Variants in RTN4 observed in about 807,000 individuals in gnomAD.
The protein encoded by RTN4 is reticulon-4.
A neutral mutation model predicts 90.4 loss-of-function variants in RTN4; 32 were observed. The ratio of observed to expected loss-of-function variants is 0.35; its 90% confidence interval spans 0.27 to 0.48. RTN4 has a LOEUF of 0.48. Ranked by LOEUF, RTN4 falls within the 20% of genes least tolerant of loss-of-function variation. The pLI is 0.99. For synonymous variants in RTN4, 629 were observed against 552.5 expected, an observed-to-expected ratio of 1.14 and a Z score of -1.94; for missense variants, 1,706 against 1,430.2, an observed-to-expected ratio of 1.19 and a Z score of -3.11.
chr2:54,994,887 G>T (rs1679294352), intron 3 of RTN4, among the ~76,000 whole-genome samples: 1 of 152,150 alleles, frequency 6.6e-6, no homozygotes, highest in African/African-American at 2.4e-5. Flanking sequence ...TTTACCATAG[G>T]CTAATTTATA....
At chr2:55,032,793 C>G (rs1335683193) in intron 1 of RTN4, among the ~76,000 whole-genome samples, 1 of 152,012 alleles carries the variant, frequency 6.6e-6, no homozygotes, top group Non-Finnish European at 1.5e-5. Flanking sequence ...TTTAGGAGGC[C>G]AAAGTGGGAG....
chr2:55,128,213 G>C, the RTN4 span, among the ~76,000 whole-genome samples: 2 of 152,034 alleles, frequency 1.3e-5, no homozygotes, highest in Admixed American at 6.6e-5. Context: ...AACTACTCCT[G>C]TTACACTTAT....
At chr2:55,059,281 A>G (rs1388704863) in intron 2 of RTN4, among the ~76,000 whole-genome samples, 1 of 148,148 alleles carries the variant, frequency 6.8e-6, no homozygotes, top group Non-Finnish European at 1.5e-5. Context: ...CGACATCCCA[A>G]GGACAAAATC....
At chr2:55,137,671 G>A in the RTN4 span, among the ~76,000 whole-genome samples, 1,331 of 152,202 alleles carry the variant, frequency 8.7e-3, 11 homozygotes, top group African/African-American at 0.03. Context: ...CTGGCACAGA[G>A]AGAGTTAAAC....
intron 5 of RTN4, among the ~76,000 whole-genome samples, chr2:54,977,767 C>T (rs1416680802): frequency 1.3e-5 from 2 of 152,186 alleles, no homozygotes; most frequent in African/African-American, 4.8e-5. Flanking sequence ...TCGTTGCTCA[C>T]TCTATAAATA....
intron 1 of RTN4, among the ~76,000 whole-genome samples, chr2:55,040,578 G>C (rs1683003875): frequency 6.6e-6 from 1 of 152,120 alleles, no homozygotes; most frequent in Non-Finnish European, 1.5e-5. Context: ...GGCAGACCTG[G>C]AATCCTTAAG....
intron 3 of RTN4, among the ~76,000 whole-genome samples, chr2:55,013,202 AG>A (rs1680771701): frequency 6.6e-6 from 1 of 152,088 alleles, no homozygotes; most frequent in African/African-American, 2.4e-5. Flanking sequence ...TGTGGAGGGG[AG>A]AAGAGGGGAA....
In RTN4 at chr2:54,994,136, T is replaced by C. The variant is rs565195939; in HGVS notation, c.3014-6438A>G. On this transcript the variant is annotated intron_variant, in intron 3 of 8. Transcript: ENST00000337526. ...TGTATAGAACTTTATTAAAATCCCT[T>C]CTGAGAAATATAGTGTTTTTCTGAG... 9.2e-5 allele frequency among the ~76,000 whole-genome samples: 14 copies of C among 152,312 alleles called. 1 individual carries two copies. The South Asian group carries it at 2.9e-3, about 32-fold the overall frequency.
At chr2:55,040,429 A>G (rs1486138069) in intron 1 of RTN4, among the ~76,000 whole-genome samples, 1 of 149,744 alleles carries the variant, frequency 6.7e-6, no homozygotes, top group African/African-American at 2.4e-5. Flanking sequence ...TAGTAGCTTA[A>G]AAAAAAAAAG....
chr2:54,978,727 A>G (rs187839930), intron 5 of RTN4, among the ~76,000 whole-genome samples: 222 of 152,298 alleles, frequency 1.5e-3, no homozygotes, highest in Non-Finnish European at 2.5e-3. Flanking sequence ...ATGTAATTCC[A>G]ATAAAAAGCT....
intron 3 of RTN4, among the ~76,000 whole-genome samples, chr2:55,005,731 T>C (rs553633303): frequency 2.2e-4 from 34 of 152,290 alleles, no homozygotes; most frequent in South Asian, 1.5e-3. Flanking sequence ...AATACTTGCA[T>C]ATACGTAATG....
intron 3 of RTN4, among the ~76,000 whole-genome samples, chr2:55,016,326 T>A (rs1681033389): frequency 6.6e-6 from 1 of 152,244 alleles, no homozygotes; most frequent in Non-Finnish European, 1.5e-5. Flanking sequence ...TTCATGCCTT[T>A]AATCCCAGCA....
At chr2:55,103,401 G>C (rs1667888174) in intron 1 of RTN4, among the ~76,000 whole-genome samples, 1 of 152,016 alleles carries the variant, frequency 6.6e-6, no homozygotes, top group Non-Finnish European at 1.5e-5. Context: ...CTATTATATA[G>C]CATAGTGCCT....
chr2:55,092,239 T>C (rs2105045537), intron 1 of RTN4, among the ~76,000 whole-genome samples: 2 of 141,838 alleles, frequency 1.4e-5, no homozygotes, highest in South Asian at 4.4e-4. Flanking sequence ...TTTTCTTTTC[T>C]TTTTTTTTTT....
chr2:54,989,488 T>C (rs1057041479), intron 3 of RTN4, among the ~76,000 whole-genome samples: 3 of 152,174 alleles, frequency 2.0e-5, no homozygotes, highest in Non-Finnish European at 4.4e-5. Context: ...GGCCTATCTA[T>C]AGGTTGTCAA....
chr2:55,015,613 A>G (rs954742069), intron 3 of RTN4, among the ~76,000 whole-genome samples: 1 of 152,192 alleles, frequency 6.6e-6, no homozygotes, highest in Non-Finnish European at 1.5e-5. Flanking sequence ...ACATGTTCAC[A>G]TTCACTAATA....
Position 55,025,843 on chromosome 2 carries a change from T to G in RTN4, c.2256A>C (p.Ser752=). 6.2e-7 allele frequency: 1 copy of G among 1,613,782 alleles called. No individual in the cohort carries two copies. The highest frequency in any genetic ancestry group is 8.5e-7 in the Non-Finnish European group (1 of 1,179,836). The change falls in exon 3 of 9, where the codon TCA becomes TCC. Residue 752 remains serine (S), a synonymous_variant. Coordinates refer to ENST00000337526, the MANE Select transcript of RTN4 (RefSeq NM_020532.5). The part of the protein sequence containing the change: ...SEPVDLFSDD[S]IPDVPQKQDE... ...CTTGTTTTTGTGGAACGTCAGGTAT[T>G]GAATCATCACTAAATAAGTCAACTG...
chr2:55,004,521 T>A (rs6730793), intron 3 of RTN4, among the ~76,000 whole-genome samples: 6,785 of 152,252 alleles, frequency 0.045, 515 homozygotes, highest in African/African-American at 0.15. Context: ...ATTCTGAATC[T>A]ACAGAAGTTC....
intron 3 of RTN4, among the ~76,000 whole-genome samples, chr2:54,993,868 CT>C (rs1164854157): frequency 6.6e-6 from 1 of 152,216 alleles, no homozygotes; most frequent in Non-Finnish European, 1.5e-5. Context: ...GCAATCTACA[CT>C]GCCACCAACC....
Sources: allele counts gnomAD v4.1 joint callset (sites outside exome capture counted in the v4.1 genomes callset), GRCh38; gene constraint gnomAD v4.1.1; transcripts MANE v1.5; gene names NCBI Gene and HGNC (gene_info 2026-07-23, HGNC 2026-07-21).